CLUAP1: variants seen among roughly 807,000 people sequenced by gnomAD.
The protein encoded by CLUAP1 is clusterin-associated protein 1.
Under a neutral mutation model 55.0 loss-of-function variants are expected in CLUAP1, and 50 were observed. The ratio of observed to expected loss-of-function variants is 0.91; its 90% CI spans 0.72 to 1.15. The LOEUF is 1.15. CLUAP1 is among the 50% of genes most tolerant of loss of function. The pLI, the probability that CLUAP1 is intolerant of heterozygous loss-of-function variation, is 0.00. For synonymous variants in CLUAP1, 195 were observed against 175.4 expected (o/e 1.11, Z -0.88); for missense variants, 530 against 507.6 (o/e 1.04, Z -0.42).
intron 9 of CLUAP1, among the ~76,000 whole-genome samples, chr16:3,529,294 A>AT (rs1017622134): frequency 4.1e-5 from 6 of 145,510 alleles, no homozygotes; most frequent in African/African-American, 1.3e-4. Flanking sequence ...AACTTTGTAG[A>AT]TTTTTTTTCC....
intron 4 of CLUAP1, among the ~76,000 whole-genome samples, chr16:3,511,267 A>G (rs946489409): frequency 6.6e-6 from 1 of 152,084 alleles, no homozygotes; most frequent in South Asian, 2.1e-4. Context: ...GGAGAGAGGG[A>G]GAGTGAGCAG....
At chr16:3,508,226 G>A in intron 3 of CLUAP1, 63 bp from the exon 4 acceptor site, 1 of 1,449,334 alleles carries the variant, frequency 6.9e-7, no homozygotes, top group Non-Finnish European at 9.3e-7. Context: ...ACCTACATGG[G>A]ATTTAGTTTA....
Position 3,518,431 on chromosome 16 carries a change from G to A in CLUAP1, c.580-1472G>A, listed in dbSNP as rs529053132. Among the ~76,000 whole-genome samples, 13 of 152,246 alleles carry A rather than the reference G, an allele frequency of 8.5e-5. No individual in the cohort carries two copies. In the East Asian group the frequency reaches 2.3e-3, roughly 27 times the overall value. ...TCTAAAAACAACCAAAACAACATGGGTACTTAAAAGGGTTTGGGGAGTACA... is the reference window on the plus strand; with the variant it reads ...TCTAAAAACAACCAAAACAACATGGATACTTAAAAGGGTTTGGGGAGTACA... On this transcript the variant is annotated intron_variant, in intron 6 of 11. Transcript: ENST00000576634.
intron 6 of CLUAP1, among the ~76,000 whole-genome samples, chr16:3,518,305 T>C (rs2037768187): frequency 6.6e-6 from 1 of 152,234 alleles, no homozygotes; most frequent in Admixed American, 6.5e-5. Context: ...AGCACTAATA[T>C]GTTAAAAGTA....
At chr16:3,502,537 G>A (rs765846110) in intron 1 of CLUAP1, among the ~76,000 whole-genome samples, 1 of 151,908 alleles carries the variant, frequency 6.6e-6, no homozygotes, top group Non-Finnish European at 1.5e-5. Flanking sequence ...CCAATTGTTG[G>A]TGCCTGAAAT....
At chr16:3,529,667 T>A (rs1011564522) in intron 9 of CLUAP1, among the ~76,000 whole-genome samples, 157 of 12,096 alleles carry the variant, frequency 0.013, 4 homozygotes, top group South Asian at 0.047. Flanking sequence ...ATATTATATA[T>A]TATTATATAT....
At chr16:3,495,570 A>G in the CLUAP1 span, 1 of 1,467,318 alleles carries the variant, frequency 6.8e-7, no homozygotes, top group Admixed American at 2.2e-5. Context: ...CTGGACCCCT[A>G]GTTTGGGAGA....
In CLUAP1 at chr16:3,501,054, G is replaced by T; in HGVS notation, c.-14G>T. 6.3e-7 allele frequency: 1 copy of T among 1,599,504 alleles called. No individual in the cohort carries two copies. ...GAGCAGTTGCGACCCTGGGCTCCTGGGGACCTGAGCGTTATGTCTTTCCGC... is the reference window on the plus strand; with the variant it reads ...GAGCAGTTGCGACCCTGGGCTCCTGTGGACCTGAGCGTTATGTCTTTCCGC... On this transcript the variant is annotated 5_prime_UTR_variant, in exon 1 of 12. Transcript: ENST00000576634.
chr16:3,496,469 T>C, upstream of CLUAP1: 1 of 836,774 alleles, frequency 1.2e-6, no homozygotes, highest in Admixed American at 1.9e-5. Flanking sequence ...GCTTAACGGA[T>C]GACGCGAGGG....
chr16:3,513,030 A>C (rs547334240), intron 5 of CLUAP1, among the ~76,000 whole-genome samples: 29 of 152,258 alleles, frequency 1.9e-4, no homozygotes, highest in South Asian at 4.2e-4. Flanking sequence ...ATGGCATGTG[A>C]CTGAGCTGTC....
chr16:3,523,400 T>C, intron 8 of CLUAP1, 101 bp downstream of exon 8: 1 of 1,358,460 alleles, frequency 7.4e-7, no homozygotes, highest in Non-Finnish European at 9.9e-7. Flanking sequence ...AAAATATCAG[T>C]ACATGTTTTT....
In CLUAP1 at chr16:3,501,217, C is replaced by G; in HGVS notation, c.22+128C>G. ...GGAGGCTCCTTTCGGGCCTCTGCGC[C>G]TCAGGGACCGCCTGACCCGCGGCTG... On this transcript the variant is annotated intron_variant, in intron 1 of 11. Coordinates refer to ENST00000576634, the MANE Select transcript of CLUAP1 (RefSeq NM_015041.3). 6 of 963,060 alleles carry G rather than the reference C, an allele frequency of 6.2e-6. No individual in the cohort carries two copies. In the South Asian group the frequency reaches 9.0e-5, roughly 15 times the overall value. The allele number at this position is 963,060 out of a possible 1,614,324, so 59.7% of individuals were successfully genotyped here. A position where few individuals can be genotyped will look rare whatever the true frequency, so the allele number is the denominator to read the frequency against.
intron 11 of CLUAP1, 127 bp from the exon 12 acceptor site, chr16:3,535,995 T>C (rs1395706601): frequency 2.7e-6 from 3 of 1,107,194 alleles, no homozygotes; most frequent in Non-Finnish European, 3.9e-6. Context: ...CACAGCCTGC[T>C]TGCCACTCTG....
intron 1 of CLUAP1, among the ~76,000 whole-genome samples, chr16:3,501,421 A>T (rs1455834330): frequency 6.6e-6 from 1 of 152,250 alleles, no homozygotes; most frequent in African/African-American, 2.4e-5. Flanking sequence ...GCTCTTCGCT[A>T]CCGTATTGGA....
chr16:3,519,960 T>G lies in CLUAP1; in HGVS notation c.637T>G (p.Leu213Val). Residue 213 changes from leucine (L) to valine (V), a missense_variant, in exon 7 of 12, where the codon TTA becomes GTA. By Grantham distance (32) the Leu-to-Val change is conservative. Coordinates refer to ENST00000576634, the MANE Select transcript of CLUAP1 (RefSeq NM_015041.3). The part of the protein sequence containing the change: ...LNNVASDEAN[L>V]EAKIEKRKLE... ...TAATGTGGCCTCTGATGAAGCTAAT[T>G]TAGAAGCCAAAATCGAAAAGAGAAA... 6.2e-7 allele frequency: 1 copy of G among 1,613,752 alleles called. No homozygotes were observed. The highest frequency in any genetic ancestry group is 8.5e-7 in the Non-Finnish European group (1 of 1,179,890).
intron 5 of CLUAP1, among the ~76,000 whole-genome samples, chr16:3,515,081 T>C (rs2037703912): frequency 6.6e-6 from 1 of 151,896 alleles, no homozygotes; most frequent in South Asian, 2.1e-4. Flanking sequence ...AAGAAGCAAA[T>C]TGGGGCTGGG....
chr16:3,515,939 G>T (rs1299022361), intron 6 of CLUAP1, among the ~76,000 whole-genome samples: 1 of 152,102 alleles, frequency 6.6e-6, no homozygotes, highest in East Asian at 1.9e-4. Context: ...CTAAATTCCA[G>T]ACAGCACTGT....
chr16:3,509,335 G>A (rs2037573131), intron 4 of CLUAP1, among the ~76,000 whole-genome samples: 1 of 152,202 alleles, frequency 6.6e-6, no homozygotes, highest in Admixed American at 6.5e-5. Context: ...ACCCTCTGGC[G>A]CCTGGGAAGC....
At chr16:3,533,176 CAT>C in intron 11 of CLUAP1, 1 of 1,533,608 alleles carries the variant, frequency 6.5e-7, no homozygotes, top group Non-Finnish European at 8.7e-7. Context: ...TGTTCTGCCT[CAT>C]GTGTTTGTGG....
Sources: gnomAD v4.1 joint callset for allele counts (sites outside exome capture counted in the v4.1 genomes callset) on GRCh38, gnomAD v4.1.1 for gene constraint, MANE v1.5 for transcripts, NCBI Gene and HGNC (gene_info 2026-07-23, HGNC 2026-07-21) for gene names.